Variants in GARIN5B observed in about 807,000 individuals in gnomAD.
The protein encoded by GARIN5B is golgi associated RAB2 interactor family member 5B, also known as Golgi-associated RAB2 interactor protein 5B.
chr19:55,355,012 G>C, the GARIN5B span: 1 of 233,624 alleles, frequency 4.3e-6, no homozygotes. Flanking sequence ...CCATAGTTCT[G>C]GTATCTACCA....
chr19:55,362,968 G>T, the GARIN5B span: 2 of 1,495,874 alleles, frequency 1.3e-6, no homozygotes, highest in Non-Finnish European at 8.9e-7. Flanking sequence ...GCAGGTACTC[G>T]CCCTTCTGGA....
At chr19:55,358,544 ATCTCGCCCCATGGCCG>A in the GARIN5B span, 19 of 385,856 alleles carry the variant, frequency 4.9e-5, no homozygotes, top group Non-Finnish European at 7.3e-5. Context: ...CTGCTCCTTC[ATCTCGCCCCATGGCCG>A]CTTGCCCTCC....
the GARIN5B span, chr19:55,355,261 T>A: frequency 6.9e-7 from 1 of 1,457,606 alleles, no homozygotes; most frequent in Admixed American, 2.1e-5. Context: ...AAAGGGTACC[T>A]GGCAGCGCTG....
chr19:55,362,914 G>C, the GARIN5B span: 8 of 1,501,084 alleles, frequency 5.3e-6, no homozygotes, highest in Admixed American at 4.8e-5. Flanking sequence ...GGGAACTGGA[G>C]ACCTGAACAA....
chr19:55,358,820 G>T, the GARIN5B span: 2 of 1,547,322 alleles, frequency 1.3e-6, no homozygotes, highest in African/African-American at 1.4e-5. Context: ...CTCCTGGGAG[G>T]GGCCCTCGAC....
At chr19:55,361,610 C>T in the GARIN5B span, among the ~76,000 whole-genome samples, 4 of 145,670 alleles carry the variant, frequency 2.7e-5, no homozygotes, top group East Asian at 2.1e-4. Context: ...GTCCAGGCCC[C>T]CAGTCCCTCC....
At chr19:55,358,640 C>T in the GARIN5B span, 1 of 1,551,338 alleles carries the variant, frequency 6.4e-7, no homozygotes, top group East Asian at 2.4e-5. Flanking sequence ...GGACAGCTGG[C>T]CGGGGCGGGA....
the GARIN5B span, chr19:55,362,399 G>A: frequency 3.2e-6 from 5 of 1,550,654 alleles, no homozygotes; most frequent in Admixed American, 2.0e-5. Context: ...GTTGTCAGGG[G>A]CGTCCAGGGC....
At chr19:55,358,687 C>T in the GARIN5B span, 37 of 1,551,050 alleles carry the variant, frequency 2.4e-5, no homozygotes, top group South Asian at 2.9e-4. Flanking sequence ...CCGACGCCTG[C>T]GGAGTCGCCA....
the GARIN5B span, chr19:55,358,927 G>T: frequency 6.4e-7 from 1 of 1,551,106 alleles, no homozygotes; most frequent in Non-Finnish European, 8.7e-7. Flanking sequence ...GCTTCGCCCA[G>T]TGGGCCCAGT....
chr19:55,358,580 G>C, the GARIN5B span: 1 of 1,551,204 alleles, frequency 6.4e-7, no homozygotes, highest in East Asian at 2.4e-5. Flanking sequence ...CTTCACCCAG[G>C]TGTGCGACTC....
chr19:55,359,038 C>T, the GARIN5B span: 11 of 1,551,452 alleles, frequency 7.1e-6, no homozygotes, highest in Non-Finnish European at 9.6e-6. Context: ...TGAAGGGCGA[C>T]TCCGGGGACT....
chr19:55,362,293 G>C, the GARIN5B span: 15 of 1,549,288 alleles, frequency 9.7e-6, no homozygotes, highest in Admixed American at 2.4e-4. Context: ...GCATATCCAG[G>C]GGGGCCGTGC....
At chr19:55,361,286 C>T in the GARIN5B span, 9 of 1,545,818 alleles carry the variant, frequency 5.8e-6, no homozygotes, top group South Asian at 2.4e-5. Context: ...GGGGAGGGCA[C>T]GAGGACCTAC....
At chr19:55,359,319 G>A in the GARIN5B span, 6 of 1,551,036 alleles carry the variant, frequency 3.9e-6, no homozygotes, top group Non-Finnish European at 5.2e-6. Flanking sequence ...ACAGCCTTCT[G>A]GGGAATGGTA....
the GARIN5B span, chr19:55,358,358 A>C: frequency 6.6e-7 from 1 of 1,520,524 alleles, no homozygotes; most frequent in Non-Finnish European, 8.8e-7. Flanking sequence ...CATCTTTGAG[A>C]TGAGGGTCTC....
At chr19:55,358,898 T>C in the GARIN5B span, 2 of 1,550,642 alleles carry the variant, frequency 1.3e-6, no homozygotes, top group East Asian at 2.4e-5. Flanking sequence ...GCCAGGCAGG[T>C]CCGGGGACCT....
chr19:55,358,331 G>T, the GARIN5B span: 1 of 1,532,114 alleles, frequency 6.5e-7, no homozygotes, highest in South Asian at 1.2e-5. Context: ...CTGCTGGGAC[G>T]CCCTGGCTGT....
At chr19:55,360,268 G>GC in the GARIN5B span, among the ~76,000 whole-genome samples, 107 of 70,400 alleles carry the variant, frequency 1.5e-3, no homozygotes, top group African/African-American at 6.0e-3. Context: ...AGGAGTCCAG[G>GC]CCCCAGCTCC....
Sources: allele counts gnomAD v4.1 joint callset (sites outside exome capture counted in the v4.1 genomes callset), GRCh38; gene constraint gnomAD v4.1.1; transcripts MANE v1.5; gene names NCBI Gene and HGNC (gene_info 2026-07-23, HGNC 2026-07-21).